Variants in LRRTM4 observed in about 807,000 individuals in gnomAD.
The protein encoded by LRRTM4 is leucine-rich repeat transmembrane neuronal protein 4.
Under a neutral mutation model 47.6 loss-of-function variants are expected in LRRTM4, and 25 were observed. The observed-to-expected ratio is 0.53, with a 90% CI of 0.38 to 0.73. The LOEUF is 0.73. LRRTM4 is among the 30% of genes least tolerant of loss of function. LRRTM4 has a pLI of 0.00. For synonymous variants in LRRTM4, 311 were observed against 269.5 expected (o/e 1.15, Z -1.51); for missense variants, 638 against 713.4 (o/e 0.89, Z 1.20).
At chr2:77,033,190 A>C (rs1027514740) in intron 3 of LRRTM4, among the ~76,000 whole-genome samples, 1 of 152,030 alleles carries the variant, frequency 6.6e-6, no homozygotes, top group Non-Finnish European at 1.5e-5. Flanking sequence ...TATAGATTGT[A>C]ATCTATTCAG....
At chr2:77,440,631 T>C (rs1322600612) in intron 3 of LRRTM4, among the ~76,000 whole-genome samples, 2 of 152,208 alleles carry the variant, frequency 1.3e-5, no homozygotes. Flanking sequence ...TCAGCACCGA[T>C]TCTGTTGCAA....
intron 3 of LRRTM4, among the ~76,000 whole-genome samples, chr2:77,251,138 TATATATATGTGTGTATATATAC>T (rs1388749611): frequency 4.9e-5 from 7 of 144,178 alleles, no homozygotes; most frequent in African/African-American, 1.8e-4. Flanking sequence ...CATATATATG[TATATATATGTGTGTATATATAC>T]ATATATATGT....
At chr2:76,892,617 A>C in intron 3 of LRRTM4, among the ~76,000 whole-genome samples, 1 of 151,748 alleles carries the variant, frequency 6.6e-6, no homozygotes, top group Admixed American at 6.6e-5. Context: ...AAGGAACCAT[A>C]GAATGAATGT....
intron 3 of LRRTM4, among the ~76,000 whole-genome samples, chr2:77,100,134 C>G (rs1334959170): frequency 6.6e-6 from 1 of 152,034 alleles, no homozygotes; most frequent in East Asian, 1.9e-4. Flanking sequence ...CAGCCTCATT[C>G]CACTGTTTTG....
intron 3 of LRRTM4, among the ~76,000 whole-genome samples, chr2:77,422,807 A>C (rs1323735862): frequency 6.6e-6 from 1 of 152,126 alleles, no homozygotes; most frequent in African/African-American, 2.4e-5. Context: ...AAAAAGGAAG[A>C]AAGTATAGGA....
Position 77,493,737 on chromosome 2 carries a change from T to C in LRRTM4, c.1551+24581A>G, listed in dbSNP as rs1228393494. ...AATTGTAAGGATGACATCAACGAAATATCCATTTTTATAAGGATGACATCA... is the reference window on the plus strand; with the variant it reads ...AATTGTAAGGATGACATCAACGAAACATCCATTTTTATAAGGATGACATCA... On this transcript the variant is annotated intron_variant, in intron 3 of 3. Coordinates refer to ENST00000409884, the MANE Select transcript of LRRTM4 (RefSeq NM_001134745.3). Among the ~76,000 whole-genome samples, 3 of 152,218 alleles carry C rather than the reference T, an allele frequency of 2.0e-5. No homozygotes were observed. In the East Asian group the frequency reaches 5.8e-4, roughly 29 times the overall value.
intron 3 of LRRTM4, among the ~76,000 whole-genome samples, chr2:77,453,605 T>A (rs1017229146): frequency 1.3e-5 from 2 of 152,204 alleles, no homozygotes; most frequent in African/African-American, 4.8e-5. Context: ...CAATGCTATT[T>A]GACAAATTTT....
chr2:77,439,730 T>A (rs530773078), intron 3 of LRRTM4, among the ~76,000 whole-genome samples: 22 of 152,254 alleles, frequency 1.4e-4, no homozygotes, highest in African/African-American at 4.8e-4. Flanking sequence ...AAAGAATAAT[T>A]ATTATTATTA....
At chr2:77,018,594 A>G (rs376075409) in intron 3 of LRRTM4, among the ~76,000 whole-genome samples, 5 of 151,726 alleles carry the variant, frequency 3.3e-5, no homozygotes, top group African/African-American at 1.2e-4. Flanking sequence ...AACCAGGCCA[A>G]TTTCAAGAAT....
At chr2:76,808,434 A>T (rs1167237237) in intron 3 of LRRTM4, among the ~76,000 whole-genome samples, 1 of 115,374 alleles carries the variant, frequency 8.7e-6, no homozygotes, top group Non-Finnish European at 1.7e-5. Context: ...ATATATATAC[A>T]TTGATTTTGG....
At position 77,482,457 on chromosome 2, in the gene LRRTM4, C is replaced by CAT. The variant is rs1431846520; in HGVS notation, c.1551+35860_1551+35861insAT. ...TATTTTTTAAACACACACACACACACACAGAGACCTGTGATTAATTTCTAT... is the reference window on the plus strand; with the variant it reads ...TATTTTTTAAACACACACACACACACATACAGAGACCTGTGATTAATTTCTAT... On this transcript the variant is annotated intron_variant, in intron 3 of 3. Coordinates refer to ENST00000409884, the MANE Select transcript of LRRTM4 (RefSeq NM_001134745.3). 4.0e-5 allele frequency among the ~76,000 whole-genome samples: 6 copies of CAT among 151,574 alleles called. No homozygotes were observed. In the South Asian group the frequency reaches 6.3e-4, roughly 16 times the overall value.
intron 3 of LRRTM4, among the ~76,000 whole-genome samples, chr2:77,279,963 C>T (rs1036246419): frequency 1.3e-5 from 2 of 151,956 alleles, no homozygotes; most frequent in Admixed American, 1.3e-4. Flanking sequence ...TAATATAATA[C>T]TCCCCACTCG....
chr2:77,254,137 G>A lies in LRRTM4; in HGVS notation c.1551+264181C>T, dbSNP rs143091349. Reference sequence around the variant, plus strand: ...GATAAAGTAAGCATCTGAAAACTAAGGAAAGAAAAAAGTATTGAAAGCAGA... The same window carrying A: ...GATAAAGTAAGCATCTGAAAACTAAAGAAAGAAAAAAGTATTGAAAGCAGA... On this transcript the variant is annotated intron_variant, in intron 3 of 3. Coordinates refer to ENST00000409884, the MANE Select transcript of LRRTM4 (RefSeq NM_001134745.3). Among the ~76,000 whole-genome samples, 290 of 151,674 alleles carry A rather than the reference G, an allele frequency of 1.9e-3. 1 individual carries two copies. Among genetic ancestry groups the A allele is most frequent in the African/African-American group, 6.6e-3 (273 of 41,424 alleles).
At chr2:76,958,269 C>G (rs1036532830) in intron 3 of LRRTM4, among the ~76,000 whole-genome samples, 28 of 151,626 alleles carry the variant, frequency 1.8e-4, no homozygotes, top group Non-Finnish European at 4.4e-5. Context: ...AGAATATGAA[C>G]AATAAAAAAC....
intron 3 of LRRTM4, among the ~76,000 whole-genome samples, chr2:76,946,496 C>T (rs1018646745): frequency 1.3e-5 from 2 of 151,718 alleles, no homozygotes; most frequent in African/African-American, 2.4e-5. Context: ...ATGCTATAGA[C>T]TAGATATAAT....
chr2:77,160,445 A>C (rs991992448), intron 3 of LRRTM4, among the ~76,000 whole-genome samples: 1 of 152,018 alleles, frequency 6.6e-6, no homozygotes, highest in Non-Finnish European at 1.5e-5. Context: ...AAATCACTTC[A>C]GTATTTTAGT....
intron 3 of LRRTM4, among the ~76,000 whole-genome samples, chr2:77,399,499 G>T (rs1673853416): frequency 1.3e-5 from 2 of 151,772 alleles, no homozygotes; most frequent in South Asian, 4.1e-4. Context: ...GTTGTCAGAG[G>T]TTACACAATT....
Position 77,222,233 on chromosome 2 carries a change from G to A in LRRTM4, c.1551+296085C>T, listed in dbSNP as rs1221677809. On this transcript the variant is annotated intron_variant, in intron 3 of 3. Transcript: ENST00000409884. ...TATGTAGAGGGAAATTTATAGCACCGAATGCCCACAAGAGAAAGCAGGAAA... is the reference window on the plus strand; with the variant it reads ...TATGTAGAGGGAAATTTATAGCACCAAATGCCCACAAGAGAAAGCAGGAAA... Among the ~76,000 whole-genome samples, 15 of 152,080 alleles carry A rather than the reference G, an allele frequency of 9.9e-5. No homozygotes were observed. In the South Asian group the frequency reaches 1.5e-3, roughly 15 times the overall value.
intron 3 of LRRTM4, among the ~76,000 whole-genome samples, chr2:76,971,794 A>G (rs193264192): frequency 2.6e-5 from 4 of 152,232 alleles, no homozygotes; most frequent in Admixed American, 2.6e-4. Context: ...AGAAAATAAC[A>G]GAAAACAACA....
Sources: allele counts gnomAD v4.1 joint callset (sites outside exome capture counted in the v4.1 genomes callset), GRCh38; gene constraint gnomAD v4.1.1; transcripts MANE v1.5; gene names NCBI Gene and HGNC (gene_info 2026-07-23, HGNC 2026-07-21).